Variants in GPC5 observed in about 807,000 individuals in gnomAD.
GPC5 encodes the protein glypican-5.
GPC5 carries 47 observed loss-of-function variants against 53.9 expected under a neutral mutation model. The observed-to-expected ratio is 0.87, with a 90% CI of 0.69 to 1.11. GPC5 has a LOEUF of 1.11. Among genes scored for constraint, GPC5 ranks in the 50% most tolerant of loss-of-function variants. The pLI, the probability that GPC5 is intolerant of heterozygous loss-of-function variation, is 0.00. For synonymous variants in GPC5, 286 were observed against 263.3 expected, an observed-to-expected ratio of 1.09 and a Z score of -0.84; for missense variants, 748 against 713.1, an observed-to-expected ratio of 1.05 and a Z score of -0.56.
intron 2 of GPC5, among the ~76,000 whole-genome samples, chr13:91,539,199 C>CT (rs1000503972): frequency 6.6e-5 from 10 of 151,818 alleles, no homozygotes; most frequent in Admixed American, 3.3e-4. Context: ...TGTTGAAAAG[C>CT]TTTTTTTTAA....
At chr13:91,627,004 A>ATTT (rs1215877558) in intron 2 of GPC5, among the ~76,000 whole-genome samples, 1 of 4,878 alleles carries the variant, frequency 2.1e-4, no homozygotes, top group Non-Finnish European at 2.6e-4. Flanking sequence ...TGAACTCATC[A>ATTT]TTTTTTTTTT....
intron 5 of GPC5, among the ~76,000 whole-genome samples, chr13:91,815,694 C>T (rs1270590651): frequency 6.6e-6 from 1 of 152,184 alleles, no homozygotes; most frequent in East Asian, 1.9e-4. Flanking sequence ...CTGCGTGAGA[C>T]CCAATTTCTC....
At chr13:91,935,570 G>A (rs1297632595) in intron 6 of GPC5, among the ~76,000 whole-genome samples, 2 of 151,914 alleles carry the variant, frequency 1.3e-5, no homozygotes, top group Admixed American at 1.3e-4. Flanking sequence ...GGTTTATCAG[G>A]CATCTAGATT....
At chr13:91,999,358 T>TG (rs2040534093) in intron 6 of GPC5, among the ~76,000 whole-genome samples, 1 of 152,180 alleles carries the variant, frequency 6.6e-6, no homozygotes, top group African/African-American at 2.4e-5. Flanking sequence ...CAAAAGATGA[T>TG]GACCATAATT....
At chr13:92,189,829 A>C (rs116903596) in intron 7 of GPC5, among the ~76,000 whole-genome samples, 2,467 of 152,310 alleles carry the variant, frequency 0.016, 39 homozygotes, top group Non-Finnish European at 0.029. Flanking sequence ...CAATGGGCTC[A>C]TTAGTATACA....
At chr13:91,834,761 A>T (rs1245145450) in intron 5 of GPC5, among the ~76,000 whole-genome samples, 8 of 152,202 alleles carry the variant, frequency 5.3e-5, no homozygotes, top group Non-Finnish European at 1.0e-4. Flanking sequence ...TGGATTAAAG[A>T]CTTAAACCAA....
intron 7 of GPC5, among the ~76,000 whole-genome samples, chr13:92,663,476 C>T (rs1375360642): frequency 2.0e-5 from 3 of 150,586 alleles, no homozygotes; most frequent in African/African-American, 4.9e-5. Flanking sequence ...CGGTGGCTCA[C>T]GCCTCTAATC....
In GPC5 at chr13:92,756,168, G is replaced by C. The variant is rs967054326; in HGVS notation, c.1562-110114G>C. 1.2e-3 allele frequency among the ~76,000 whole-genome samples: 182 copies of C among 152,130 alleles called. 5 individuals carry two copies. The East Asian group carries it at 0.032, about 27-fold the overall frequency. On this transcript the variant is annotated intron_variant, in intron 7 of 7. Coordinates refer to ENST00000377067, the MANE Select transcript of GPC5 (RefSeq NM_004466.6). ...GGCTTCATCCCTGGGATGCAAGGCT[G>C]GTTCATTATATGCAAATCAATAAAT...
intron 7 of GPC5, among the ~76,000 whole-genome samples, chr13:92,401,642 C>G (rs1468646322): frequency 2.6e-5 from 4 of 152,074 alleles, no homozygotes; most frequent in South Asian, 2.1e-4. Context: ...TCTTAAAAGA[C>G]TAGAAATACA....
intron 7 of GPC5, among the ~76,000 whole-genome samples, chr13:92,260,883 A>G (rs996436347): frequency 6.6e-6 from 1 of 152,180 alleles, no homozygotes; most frequent in African/African-American, 2.4e-5. Flanking sequence ...AGACATTTAT[A>G]TTTAGTTTGC....
intron 7 of GPC5, among the ~76,000 whole-genome samples, chr13:92,764,334 C>T (rs1380749384): frequency 6.6e-6 from 1 of 152,212 alleles, no homozygotes; most frequent in Non-Finnish European, 1.5e-5. Context: ...TACTTGCCCT[C>T]AGAGCAAGAT....
At chr13:91,950,147 A>T (rs758465992) in intron 6 of GPC5, among the ~76,000 whole-genome samples, 6 of 151,986 alleles carry the variant, frequency 3.9e-5, no homozygotes, top group Non-Finnish European at 7.4e-5. Flanking sequence ...GGGTCAGCAG[A>T]TTCTGTAAAT....
At chr13:91,599,263 T>C (rs1401428979) in intron 2 of GPC5, among the ~76,000 whole-genome samples, 1 of 152,168 alleles carries the variant, frequency 6.6e-6, no homozygotes, top group Non-Finnish European at 1.5e-5. Flanking sequence ...TAAATGTCAG[T>C]CTTTCCCTCA....
chr13:91,563,926 C>T (rs773858876), intron 2 of GPC5, among the ~76,000 whole-genome samples: 1 of 152,116 alleles, frequency 6.6e-6, no homozygotes, highest in Non-Finnish European at 1.5e-5. Flanking sequence ...TGGATTCTCT[C>T]ATCATGACTC....
intron 7 of GPC5, among the ~76,000 whole-genome samples, chr13:92,325,166 C>T (rs892923432): frequency 2.6e-5 from 4 of 151,222 alleles, no homozygotes; most frequent in South Asian, 4.2e-4. Flanking sequence ...AAAACTTAAG[C>T]ATGTTTATAC....
intron 7 of GPC5, among the ~76,000 whole-genome samples, chr13:92,314,899 T>C (rs1429020278): frequency 6.6e-6 from 1 of 152,096 alleles, no homozygotes; most frequent in Non-Finnish European, 1.5e-5. Flanking sequence ...CTCACCCTAC[T>C]GAGTAGCTGA....
At chr13:91,910,549 A>G (rs1030678806) in intron 6 of GPC5, among the ~76,000 whole-genome samples, 2 of 152,162 alleles carry the variant, frequency 1.3e-5, no homozygotes, top group Admixed American at 1.3e-4. Flanking sequence ...ACGTACCTAT[A>G]TTAAAGAATA....
chr13:92,261,654 A>G (rs970199390), intron 7 of GPC5, among the ~76,000 whole-genome samples: 2 of 152,168 alleles, frequency 1.3e-5, no homozygotes. Context: ...ATGGGTGAAT[A>G]GGAAAACTTT....
At chr13:92,618,687 TAAAA>T (rs5805756) in intron 7 of GPC5, among the ~76,000 whole-genome samples, 1 of 137,994 alleles carries the variant, frequency 7.2e-6, no homozygotes, top group African/African-American at 2.7e-5. Context: ...TAAAAAATGT[TAAAA>T]AAAAAAAAAA....
Sources: allele counts gnomAD v4.1 joint callset (sites outside exome capture counted in the v4.1 genomes callset), GRCh38; gene constraint gnomAD v4.1.1; transcripts MANE v1.5; gene names NCBI Gene and HGNC (gene_info 2026-07-23, HGNC 2026-07-21).